Variants in PCDHA1 observed in about 807,000 individuals in gnomAD.
PCDHA1 encodes protocadherin alpha-1.
In PCDHA1, 42 loss-of-function variants were observed where a neutral mutation model predicts 61.3. The observed-to-expected ratio is 0.69, with a 90% CI of 0.54 to 0.89. The LOEUF is 0.89. Ranked by LOEUF, PCDHA1 falls within the 40% of genes least tolerant of loss-of-function variation. PCDHA1 has a pLI of 0.00. For synonymous variants in PCDHA1, 610 were observed against 553.8 expected, an observed-to-expected ratio of 1.10 and a Z score of -1.43; for missense variants, 1,256 against 1,235.3, an observed-to-expected ratio of 1.02 and a Z score of -0.25.
intron 1 of PCDHA1, chr5:140,866,984 A>G (rs2049692494): frequency 6.6e-6 from 1 of 152,180 alleles, no homozygotes; most frequent in African/African-American, 2.4e-5. Flanking sequence ...ATCACAGCCA[A>G]AATGCAAAAG....
rs1166477260 is a variant in PCDHA1, at chr5:140,843,587, C to T, written c.2394+54903C>T. 5 of 1,596,096 alleles carry T rather than the reference C, an allele frequency of 3.1e-6. 1 individual carries two copies. In the East Asian group the frequency reaches 6.7e-5, roughly 21 times the overall value. The stretch of plus-strand genomic sequence containing the variant: ...CTGGTCATACTCGCAACAACAGCCG[C>T]AGAGGGTGTGCTCTGGTGAGGGGCC... On this transcript the variant is annotated intron_variant, in intron 1 of 3. Coordinates refer to ENST00000504120, the MANE Select transcript of PCDHA1 (RefSeq NM_018900.4).
Position 140,828,034 on chromosome 5 carries a change from A to G in PCDHA1, c.2394+39350A>G, listed in dbSNP as rs1202168939. Reference sequence around the variant, plus strand: ...TGGATTAATAAATTCCGGAACATACAGTATTTTATCTTTATGCGGAAGATC... The same window carrying G: ...TGGATTAATAAATTCCGGAACATACGGTATTTTATCTTTATGCGGAAGATC... On this transcript the variant is annotated intron_variant, in intron 1 of 3. Transcript: ENST00000504120. The G allele has an allele frequency of 8.5e-6, 13 of 1,527,214 alleles. No individual in the cohort carries two copies. In the South Asian group the frequency reaches 9.2e-5, roughly 11 times the overall value. 94.6% of individuals were successfully genotyped at this position (1,527,214 alleles called of 1,614,324 possible). A position where few individuals can be genotyped will look rare whatever the true frequency, so the allele number is the denominator to read the frequency against.
At chr5:140,925,932 A>G (rs1202634955) in intron 1 of PCDHA1, among the ~76,000 whole-genome samples, 1 of 150,196 alleles carries the variant, frequency 6.7e-6, no homozygotes, top group African/African-American at 2.5e-5. Flanking sequence ...TCCCAAGTAG[A>G]GCCTCTTGGA....
Position 140,809,688 on chromosome 5 carries a change from A to G in PCDHA1, c.2394+21004A>G, listed in dbSNP as rs143537982. The G allele has an allele frequency of 3.8e-4, 482 of 1,285,242 alleles. 2 individuals are homozygous for G. In the African/African-American group the frequency reaches 6.7e-3, roughly 18 times the overall value. 79.6% of individuals were successfully genotyped at this position (1,285,242 alleles called of 1,614,324 possible). On this transcript the variant is annotated intron_variant, in intron 1 of 3. Transcript: ENST00000504120. ...GGGTTAAAATTTTACCTCTTTTTAC[A>G]TATCCATTTTAACTAAAGTCTTTTG...
At chr5:140,926,549 C>A in intron 1 of PCDHA1, 1 of 231,836 alleles carries the variant, frequency 4.3e-6, no homozygotes, top group Non-Finnish European at 8.2e-6. Flanking sequence ...GTGGTCGAGA[C>A]CCCAGCCCGC....
Position 140,877,553 on chromosome 5 carries a change from T to C in PCDHA1, c.2394+88869T>C, listed in dbSNP as rs781933436. The C allele has an allele frequency of 1.9e-6, 3 of 1,613,720 alleles. No individual in the cohort carries two copies. The South Asian group carries it at 3.3e-5, about 18-fold the overall frequency. On this transcript the variant is annotated intron_variant, in intron 1 of 3. Coordinates refer to ENST00000504120, the MANE Select transcript of PCDHA1 (RefSeq NM_018900.4). ...GCTGTGGATCCCGAAGCGGCTCTGG[T>C]GGATATTAACGTGTACCTCATCATC...
At position 140,803,246 on chromosome 5, in the gene PCDHA1, C is replaced by T. The variant is rs1554122670; in HGVS notation, c.2394+14562C>T. 5 of 1,613,836 alleles carry T rather than the reference C, an allele frequency of 3.1e-6. No individual in the cohort carries two copies. The African/African-American group carries it at 4.0e-5, about 13-fold the overall frequency. The stretch of plus-strand genomic sequence containing the variant: ...CACCCAAGGCCTCGTCCCAGGCGTC[C>T]GCTGGCGCCACGGGCCCGGAAGCTG... On this transcript the variant is annotated intron_variant, in intron 1 of 3. Transcript: ENST00000504120.
chr5:140,972,978 A>G (rs1392208477), intron 1 of PCDHA1, among the ~76,000 whole-genome samples: 1 of 152,058 alleles, frequency 6.6e-6, no homozygotes, highest in African/African-American at 2.4e-5. Flanking sequence ...ACCAAATCTT[A>G]AGGTAGATTC....
intron 1 of PCDHA1, chr5:140,858,898 G>A (rs1260279768): frequency 4.9e-6 from 1 of 204,806 alleles, no homozygotes; most frequent in East Asian, 1.4e-4. Context: ...AATATGTGTA[G>A]CGTACCACAG....
chr5:140,873,275 T>C (rs1335407966), intron 1 of PCDHA1, among the ~76,000 whole-genome samples: 1 of 152,220 alleles, frequency 6.6e-6, no homozygotes, highest in Non-Finnish European at 1.5e-5. Context: ...TAAACCATCA[T>C]ACCACTTATG....
chr5:140,945,596 T>C (rs2093812585), intron 1 of PCDHA1, among the ~76,000 whole-genome samples: 1 of 152,060 alleles, frequency 6.6e-6, no homozygotes, highest in Admixed American at 6.6e-5. Context: ...ACTTCAAAGC[T>C]ATAATAATCA....
chr5:140,856,542 CA>C (rs2044078032), intron 1 of PCDHA1: 1 of 1,598,136 alleles, frequency 6.3e-7, no homozygotes, highest in Admixed American at 1.7e-5. Context: ...GGAGAGAACG[CA>C]TTGCTTACTT....
intron 1 of PCDHA1, chr5:140,968,969 A>G (rs1554231287): frequency 1.9e-6 from 3 of 1,614,230 alleles, no homozygotes; most frequent in Non-Finnish European, 2.5e-6. Context: ...CTACCGCTAC[A>G]CTGCGTATGG....
At chr5:140,987,322 T>G (rs1160600975) in intron 3 of PCDHA1, among the ~76,000 whole-genome samples, 3 of 152,200 alleles carry the variant, frequency 2.0e-5, no homozygotes, top group Non-Finnish European at 4.4e-5. Flanking sequence ...CTGTGAAGTT[T>G]TAAGAACTGG....
chr5:140,882,309 T>C (rs745321942), intron 1 of PCDHA1: 1 of 1,614,090 alleles, frequency 6.2e-7, no homozygotes, highest in Non-Finnish European at 8.5e-7. Flanking sequence ...CCGCGGCAAC[T>C]ACTGCTCTGG....
chr5:140,958,997 A>C (rs1356032687), intron 1 of PCDHA1, among the ~76,000 whole-genome samples: 1 of 152,076 alleles, frequency 6.6e-6, no homozygotes, highest in African/African-American at 2.4e-5. Context: ...CTAATCTTTT[A>C]CTGTACCTAA....
chr5:140,941,241 T>TTCTTTCTTTCTTTC (rs1247398838), intron 1 of PCDHA1, among the ~76,000 whole-genome samples: 1 of 140,458 alleles, frequency 7.1e-6, no homozygotes, highest in Non-Finnish European at 1.5e-5. Flanking sequence ...CTTTCTTTCT[T>TTCTTTCTTTCTTTC]TCTTTCTTTC....
intron 1 of PCDHA1, chr5:140,877,047 C>A (rs372059660): frequency 3.3e-5 from 53 of 1,612,564 alleles, no homozygotes; most frequent in Non-Finnish European, 4.3e-5. Flanking sequence ...CGCTAGACCA[C>A]GAGGAGCTGG....
chr5:140,996,524 C>A (rs1303736536), intron 3 of PCDHA1, among the ~76,000 whole-genome samples: 3 of 152,048 alleles, frequency 2.0e-5, no homozygotes, highest in African/African-American at 7.2e-5. Flanking sequence ...TTAGAAAGGC[C>A]CTGTGTGTTT....
Sources: gnomAD v4.1 joint callset for allele counts (sites outside exome capture counted in the v4.1 genomes callset) on GRCh38, gnomAD v4.1.1 for gene constraint, MANE v1.5 for transcripts, NCBI Gene and HGNC (gene_info 2026-07-23, HGNC 2026-07-21) for gene names.